P2RY8: variants seen among roughly 807,000 people sequenced by gnomAD.
P2RY8 encodes the protein P2Y receptor family member 8.
Under a neutral mutation model 10.0 loss-of-function variants are expected in P2RY8, and 6 were observed. The observed-to-expected ratio is 0.60, with a 90% CI of 0.33 to 1.19. P2RY8 has a LOEUF of 1.19. Among genes scored for constraint, P2RY8 ranks in the 50% most tolerant of loss-of-function variants. The pLI, the probability that P2RY8 is intolerant of heterozygous loss-of-function variation, is 0.04. For missense variants in P2RY8, 456 were observed against 542.0 expected (o/e 0.84, Z 1.58); for synonymous variants, 276 against 252.5 (o/e 1.09, Z -0.88).
chrX:1,496,219 C>T (rs1351826468), intron 1 of P2RY8, among the ~76,000 whole-genome samples: 3 of 152,168 alleles, frequency 2.0e-5, no homozygotes, highest in Admixed American at 6.5e-5. Flanking sequence ...GCTGAATGGA[C>T]GTCAACTTGG....
intron 1 of P2RY8, among the ~76,000 whole-genome samples, chrX:1,534,807 C>A (rs2092512714): frequency 6.6e-6 from 1 of 152,098 alleles, no homozygotes; most frequent in African/African-American, 2.4e-5. Context: ...CCTAAGCCAT[C>A]GCTTCTTCCC....
Position 1,465,625 on chromosome X carries a change from G to A in P2RY8, c.934C>T (p.Arg312Trp), listed in dbSNP as rs373671873. ...LRLREYLGCR[R>W]VPRDTLDTRR... is the part of the protein sequence containing the mutation. Reference sequence around the variant, plus strand: ...GTGTCCAGGGTGTCTCTGGGCACCCGGCGGCAGCCCAAATATTCCCGCAGG... The same window carrying A: ...GTGTCCAGGGTGTCTCTGGGCACCCAGCGGCAGCCCAAATATTCCCGCAGG... The change falls in exon 2 of 2, where the codon CGG becomes TGG. Residue 312 changes from arginine to tryptophan, a missense_variant. By Grantham distance (101) the Arg-to-Trp change is moderately radical (BLOSUM62 -3). Coordinates refer to ENST00000381297, the MANE Select transcript of P2RY8 (RefSeq NM_178129.5). 7 of 1,613,234 alleles carry A rather than the reference G, an allele frequency of 4.3e-6. No individual in the cohort carries two copies. The highest frequency in any genetic ancestry group is 5.9e-6 in the Non-Finnish European group (7 of 1,179,828).
intron 1 of P2RY8, among the ~76,000 whole-genome samples, chrX:1,470,795 G>C (rs1355146427): frequency 6.7e-6 from 1 of 150,156 alleles, no homozygotes; most frequent in African/African-American, 2.5e-5. Flanking sequence ...ACCACATTCT[G>C]TTTATTCATT....
chrX:1,510,743 G>A (rs2092292855), intron 1 of P2RY8, among the ~76,000 whole-genome samples: 1 of 152,094 alleles, frequency 6.6e-6, no homozygotes, highest in African/African-American at 2.4e-5. Context: ...GCCAGGCACG[G>A]TGGCGTGCAC....
intron 1 of P2RY8, among the ~76,000 whole-genome samples, chrX:1,481,080 G>T (rs1278804493): frequency 6.6e-6 from 1 of 151,928 alleles, no homozygotes. Context: ...GATACCAACA[G>T]ATGAAGTACC....
At chrX:1,475,521 G>A (rs2091864834) in intron 1 of P2RY8, among the ~76,000 whole-genome samples, 2 of 151,908 alleles carry the variant, frequency 1.3e-5, no homozygotes, top group Non-Finnish European at 2.9e-5. Flanking sequence ...CACATCAGTG[G>A]TAATTAGTTA....
At chrX:1,473,736 G>GTGGA (rs2091832507) in intron 1 of P2RY8, among the ~76,000 whole-genome samples, 2 of 40,164 alleles carry the variant, frequency 5.0e-5, no homozygotes, top group African/African-American at 2.0e-4. Context: ...GGATGGGTGG[G>GTGGA]TGGATGGATG....
intron 1 of P2RY8, among the ~76,000 whole-genome samples, chrX:1,505,090 A>T (rs1442748008): frequency 1.4e-4 from 21 of 145,688 alleles, no homozygotes; most frequent in Non-Finnish European, 6.0e-5. Context: ...GTGAGCCGAG[A>T]TCGTACCACT....
intron 1 of P2RY8, among the ~76,000 whole-genome samples, chrX:1,472,728 T>G (rs372436786): frequency 1.4e-3 from 96 of 70,674 alleles, no homozygotes; most frequent in Non-Finnish European, 1.4e-3. Context: ...GGTGGGTGGG[T>G]GGGTGGATGT....
At chrX:1,493,438 AGGAG>A (rs2092083538) in intron 1 of P2RY8, among the ~76,000 whole-genome samples, 1 of 7,974 alleles carries the variant, frequency 1.3e-4, no homozygotes, top group Non-Finnish European at 3.2e-4. Flanking sequence ...GAGGGAGGGA[AGGAG>A]GAGGAAGGAG....
intron 1 of P2RY8, among the ~76,000 whole-genome samples, chrX:1,490,609 G>A (rs2092036434): frequency 6.9e-6 from 1 of 144,170 alleles, no homozygotes; most frequent in African/African-American, 2.6e-5. Flanking sequence ...GCAAATGTGG[G>A]GGGAATGAAT....
intron 1 of P2RY8, among the ~76,000 whole-genome samples, chrX:1,509,684 C>G (rs184470325): frequency 0.013 from 1,819 of 141,598 alleles, 120 homozygotes; most frequent in African/African-American, 0.035. Flanking sequence ...ATCCATCCAT[C>G]CATCCATCCA....
At chrX:1,475,590 C>T (rs1162740436) in intron 1 of P2RY8, among the ~76,000 whole-genome samples, 1 of 151,420 alleles carries the variant, frequency 6.6e-6, no homozygotes, top group African/African-American at 2.4e-5. Flanking sequence ...AACCAACAGA[C>T]TTCAAAGAAA....
At chrX:1,470,772 A>G (rs1241433785) in intron 1 of P2RY8, among the ~76,000 whole-genome samples, 9 of 151,272 alleles carry the variant, frequency 5.9e-5, no homozygotes, top group African/African-American at 2.2e-4. Context: ...ATAATAGTCT[A>G]CTGTGTGGAT....
chrX:1,499,983 C>T lies in P2RY8; in HGVS notation c.-24-33401G>A, dbSNP rs1271590362. Among the ~76,000 whole-genome samples, 7 of 135,924 alleles carry T rather than the reference C, an allele frequency of 5.1e-5. 1 individual carries two copies. The highest frequency in any genetic ancestry group is 9.9e-5 in the African/African-American group (4 of 40,480). 89.2% of individuals were successfully genotyped at this position (135,924 alleles called of 152,430 possible). ...CCGCCATTCTCCTGCCTCAGCCTCC[C>T]GAGTAGCTGGGACTACAGGCGTGTA... On this transcript the variant is annotated intron_variant, in intron 1 of 1. Transcript: ENST00000381297.
chrX:1,470,345 C>G (rs2091769044), intron 1 of P2RY8, among the ~76,000 whole-genome samples: 1 of 152,096 alleles, frequency 6.6e-6, no homozygotes, highest in South Asian at 2.1e-4. Flanking sequence ...AACCCTGTCT[C>G]TACTAAAAAT....
chrX:1,508,704 TTCTATCTATCTATCTA>T lies in P2RY8; in HGVS notation c.-25+28201_-25+28216del, dbSNP rs61715773. 1.4e-3 allele frequency among the ~76,000 whole-genome samples: 160 copies of T among 112,082 alleles called. 1 individual carries two copies. The highest frequency in any genetic ancestry group is 0.012 in the South Asian group (43 of 3,452). The allele number at this position is 112,082 out of a possible 152,430, so 73.5% of individuals were successfully genotyped here. On this transcript the variant is annotated intron_variant, in intron 1 of 1. Coordinates refer to ENST00000381297, the MANE Select transcript of P2RY8 (RefSeq NM_178129.5). ...CATCATCCATCCATCCATCCATCCA[TTCTATCTATCTATCTA>T]TCTATCTATCTATCTATCTATCTAT...
At chrX:1,482,269 A>C (rs2149385239) in intron 1 of P2RY8, among the ~76,000 whole-genome samples, 1 of 149,602 alleles carries the variant, frequency 6.7e-6, no homozygotes, top group African/African-American at 2.5e-5. Flanking sequence ...GAATTAAGCT[A>C]ATTAACATGA....
Position 1,465,618 on chromosome X carries a change from G to C in P2RY8, c.941C>G (p.Pro314Arg). ...LREYLGCRRV[P>R]RDTLDTRRES... ...GCGGCGCGTGTCCAGGGTGTCTCTG[G>C]GCACCCGGCGGCAGCCCAAATATTC... Residue 314 changes from proline to arginine, a missense_variant, in exon 2 of 2, where the codon CCC becomes CGC. Pro to Arg is a moderately radical substitution (Grantham distance 103). Coordinates refer to ENST00000381297, the MANE Select transcript of P2RY8 (RefSeq NM_178129.5). The C allele has an allele frequency of 6.2e-7, 1 of 1,613,314 alleles. No homozygotes were observed. Among genetic ancestry groups the C allele is most frequent in the Non-Finnish European group, 8.5e-7 (1 of 1,179,820 alleles).
Sources: gnomAD v4.1 joint callset for allele counts (sites outside exome capture counted in the v4.1 genomes callset) on GRCh38, gnomAD v4.1.1 for gene constraint, MANE v1.5 for transcripts, NCBI Gene and HGNC (gene_info 2026-07-23, HGNC 2026-07-21) for gene names.